CCDC146: variants seen among roughly 807,000 people sequenced by gnomAD.
The protein encoded by CCDC146 is coiled-coil domain-containing protein 146.
A neutral mutation model predicts 119.3 loss-of-function variants in CCDC146; 92 were observed. The ratio of observed to expected loss-of-function variants is 0.77; its 90% CI spans 0.65 to 0.92. The LOEUF (loss-of-function observed/expected upper bound fraction) is 0.92, where lower values mean the gene tolerates loss of function less well. CCDC146 is among the 40% of genes least tolerant of loss of function. The pLI, the probability that CCDC146 is intolerant of heterozygous loss-of-function variation, is 0.00. For missense variants in CCDC146, 1,000 were observed against 1,103.0 expected (o/e 0.91, Z 1.32); for synonymous variants, 372 against 371.8 (o/e 1.00, Z -0.01).
At chr7:77,234,314 GAAACC>G (rs1792693118) in intron 2 of CCDC146, among the ~76,000 whole-genome samples, 1 of 151,348 alleles carries the variant, frequency 6.6e-6, no homozygotes, top group Admixed American at 6.6e-5. Context: ...TATACTTTGG[GAAACC>G]AATGAAAATG....
At chr7:77,184,134 T>C (rs528097921) in intron 2 of CCDC146, among the ~76,000 whole-genome samples, 19 of 152,204 alleles carry the variant, frequency 1.2e-4, no homozygotes, top group Non-Finnish European at 2.2e-4. Context: ...TTTTGAAAGA[T>C]AAAAAATCCT....
At chr7:77,243,916 T>C (rs1013808516) in intron 4 of CCDC146, among the ~76,000 whole-genome samples, 17 of 152,286 alleles carry the variant, frequency 1.1e-4, no homozygotes, top group African/African-American at 3.6e-4. Context: ...TCGTGCTCTG[T>C]CGCCCAGGCT....
chr7:77,293,142 G>A lies in CCDC146; in HGVS notation c.2606G>A (p.Trp869Ter). The change falls in exon 18 of 19, where the codon TGG becomes TAG. Residue 869 changes from tryptophan (W) to a stop codon, truncating the protein, a stop_gained. Transcript: ENST00000285871. LOFTEE classifies it high-confidence loss of function. Reference sequence around the variant, plus strand: ...CTCAATAAGGAAATTGAGAAAGAATGGTTGAAAGTCCTTCGAGATGAAGAA... The same window carrying A: ...CTCAATAAGGAAATTGAGAAAGAATAGTTGAAAGTCCTTCGAGATGAAGAA... ...LPLNKEIEKE[W>*]LKVLRDEEMH... The A allele has an allele frequency of 6.2e-7, 1 of 1,614,168 alleles. No individual in the cohort carries two copies. Among genetic ancestry groups the A allele is most frequent in the African/African-American group, 1.3e-5 (1 of 75,056 alleles).
chr7:77,253,621 GAC>G (rs1793120810), intron 4 of CCDC146, among the ~76,000 whole-genome samples: 1 of 152,026 alleles, frequency 6.6e-6, no homozygotes, highest in South Asian at 2.1e-4. Context: ...TACTTTTTAA[GAC>G]AATGATGATG....
chr7:77,272,765 G>A (rs1793550546), intron 9 of CCDC146, among the ~76,000 whole-genome samples: 1 of 152,066 alleles, frequency 6.6e-6, no homozygotes, highest in Admixed American at 6.5e-5. Flanking sequence ...TTCCTAATAG[G>A]GCAACAAAGA....
At chr7:77,207,704 A>C (rs1415039909) in intron 2 of CCDC146, among the ~76,000 whole-genome samples, 1 of 152,194 alleles carries the variant, frequency 6.6e-6, no homozygotes, top group Non-Finnish European at 1.5e-5. Context: ...CTTGCCACTG[A>C]ACTAAGCCTT....
intron 4 of CCDC146, among the ~76,000 whole-genome samples, chr7:77,248,733 C>T (rs1793001012): frequency 1.3e-5 from 2 of 152,176 alleles, no homozygotes; most frequent in African/African-American, 4.8e-5. Flanking sequence ...GGAAGAAACA[C>T]GCAATTATAT....
intron 1 of CCDC146, among the ~76,000 whole-genome samples, chr7:77,128,193 G>A (rs554472167): frequency 5.3e-5 from 8 of 151,674 alleles, no homozygotes; most frequent in African/African-American, 1.9e-4. Context: ...TTCTTGTCAT[G>A]GCTTATAAAT....
rs1193639855 is a variant in CCDC146, at chr7:77,133,119, C to T, written c.-12+10387C>T. Among the ~76,000 whole-genome samples the T allele has an allele frequency of 2.6e-5, 4 of 151,722 alleles. 1 individual carries two copies. The highest frequency in any genetic ancestry group is 4.2e-4 in the South Asian group (2 of 4,788). On this transcript the variant is annotated intron_variant, in intron 1 of 18. Transcript: ENST00000285871. ...CCAGGAGGCAGAGGTTGCGGTGAAC[C>T]GAGATCACGCCACTGCACTCCAGCC...
In CCDC146 at chr7:77,280,409, T is replaced by C. The variant is rs138687863; in HGVS notation, c.1695-20T>C. On this transcript the variant is annotated intron_variant, in intron 13 of 18. Transcript: ENST00000285871. ...CTAAAGAAAATTATAATCTTACCCA[T>C]TGTCTTATTACTTTAAAAGAAAGCT... The C allele has an allele frequency of 1.9e-4, 290 of 1,563,944 alleles. No individual in the cohort carries two copies. The African/African-American group carries it at 3.6e-3, about 19-fold the overall frequency.
At chr7:77,275,988 C>A (rs1369659484) in intron 11 of CCDC146, among the ~76,000 whole-genome samples, 1 of 151,950 alleles carries the variant, frequency 6.6e-6, no homozygotes, top group Non-Finnish European at 1.5e-5. Flanking sequence ...GGGTGGATAA[C>A]TTGAGGTCAG....
At chr7:77,130,404 T>A (rs1386704434) in intron 1 of CCDC146, among the ~76,000 whole-genome samples, 1 of 152,100 alleles carries the variant, frequency 6.6e-6, no homozygotes, top group Non-Finnish European at 1.5e-5. Context: ...GCGTTGCATG[T>A]AATGTACAGA....
intron 2 of CCDC146, among the ~76,000 whole-genome samples, chr7:77,214,326 G>A (rs1414873772): frequency 3.3e-5 from 5 of 152,032 alleles, no homozygotes; most frequent in Non-Finnish European, 7.4e-5. Flanking sequence ...GTTGATTTAA[G>A]TTCCTTATAG....
intron 4 of CCDC146, among the ~76,000 whole-genome samples, chr7:77,251,265 G>A (rs2150501829): frequency 6.6e-6 from 1 of 152,070 alleles, no homozygotes; most frequent in African/African-American, 2.4e-5. Flanking sequence ...CAAGTTATCT[G>A]CCCGCCTCAG....
In CCDC146 at chr7:77,294,760, T is replaced by G. The variant is rs1411266682; in HGVS notation, c.2762T>G (p.Leu921Arg). ...NAYIPEADAT[L>R]PLPKPYGALA... ...TACATCCCAGAAGCAGATGCCACTC[T>G]TCCTTTGCCAAAACCTTATGGTGCT... The change falls in exon 19 of 19, where the codon CTT becomes CGT. Residue 921 changes from leucine (L) to arginine (R), a missense_variant. Physicochemically the swap from Leu to Arg is moderately radical, Grantham distance 102. Coordinates refer to ENST00000285871, the MANE Select transcript of CCDC146 (RefSeq NM_020879.3). 1.2e-6 allele frequency: 2 copies of G among 1,614,074 alleles called. No homozygotes were observed. The highest frequency in any genetic ancestry group is 2.7e-5 in the African/African-American group (2 of 74,898).
At chr7:77,281,006 A>C (rs540436334) in intron 14 of CCDC146, among the ~76,000 whole-genome samples, 1 of 152,110 alleles carries the variant, frequency 6.6e-6, no homozygotes, top group East Asian at 1.9e-4. Flanking sequence ...GGGAAGCTGC[A>C]GCACGAGAAT....
At chr7:77,199,914 G>A in intron 2 of CCDC146, 1 of 1,237,426 alleles carries the variant, frequency 8.1e-7, no homozygotes, top group African/African-American at 1.5e-5. Flanking sequence ...TGCATCACAA[G>A]TTTTAGAAAC....
chr7:77,272,180 T>G (rs879770698), intron 9 of CCDC146, among the ~76,000 whole-genome samples: 5 of 152,240 alleles, frequency 3.3e-5, no homozygotes, highest in Non-Finnish European at 1.5e-5. Flanking sequence ...AGTTCTCCCT[T>G]TTCTGATCTG....
intron 4 of CCDC146, among the ~76,000 whole-genome samples, chr7:77,252,244 G>GTA (rs1237785185): frequency 6.6e-6 from 1 of 152,044 alleles, no homozygotes; most frequent in African/African-American, 2.4e-5. Context: ...AGAAGAGAAG[G>GTA]TATATGATTA....
Sources: allele counts gnomAD v4.1 joint callset (sites outside exome capture counted in the v4.1 genomes callset), GRCh38; gene constraint gnomAD v4.1.1; transcripts MANE v1.5; gene names NCBI Gene and HGNC (gene_info 2026-07-23, HGNC 2026-07-21).